ANK3: variants seen among roughly 807,000 people sequenced by gnomAD.
The protein encoded by ANK3 is ankyrin 3.
Under a neutral mutation model 370.9 loss-of-function variants are expected in ANK3, and 57 were observed. The observed-to-expected ratio is 0.15, with a 90% confidence interval of 0.12 to 0.19. ANK3 has a LOEUF of 0.19. Among genes scored for constraint, ANK3 ranks in the 10% least tolerant of loss-of-function variants. The pLI is 1.00. For missense variants in ANK3, 4,439 were observed against 5,302.1 expected, an observed-to-expected ratio of 0.84 and a Z score of 5.06; for synonymous variants, 1,929 against 1,946.3, an observed-to-expected ratio of 0.99 and a Z score of 0.23.
At chr10:60,319,922 G>C (rs564902132) in intron 1 of ANK3, among the ~76,000 whole-genome samples, 1 of 152,286 alleles carries the variant, frequency 6.6e-6, no homozygotes, top group Admixed American at 6.5e-5. Context: ...CCAGACAAGA[G>C]TTTCTCAAAC....
chr10:60,231,237 A>T (rs1489810954), intron 8 of ANK3, among the ~76,000 whole-genome samples: 1 of 152,196 alleles, frequency 6.6e-6, no homozygotes, highest in African/African-American at 2.4e-5. Context: ...TACCTAAATT[A>T]CACTGAACAC....
intron 2 of ANK3, among the ~76,000 whole-genome samples, chr10:60,483,155 T>C (rs370023507): frequency 2.6e-3 from 389 of 152,270 alleles, no homozygotes; most frequent in Non-Finnish European, 4.7e-3. Flanking sequence ...GTCCCAAGAA[T>C]TGGTTATTAA....
chr10:60,663,436 C>T (rs2133374308), intron 1 of ANK3, among the ~76,000 whole-genome samples: 1 of 152,298 alleles, frequency 6.6e-6, no homozygotes, highest in East Asian at 1.9e-4. Flanking sequence ...TAACATTAAA[C>T]CACAGTGAGT....
intron 2 of ANK3, among the ~76,000 whole-genome samples, chr10:60,522,769 T>A (rs1265057536): frequency 6.6e-6 from 1 of 152,138 alleles, no homozygotes; most frequent in Non-Finnish European, 1.5e-5. Flanking sequence ...ACTAAAATGA[T>A]GATTCTTCTA....
At chr10:60,626,866 T>C (rs2078418288) in intron 1 of ANK3, among the ~76,000 whole-genome samples, 1 of 152,124 alleles carries the variant, frequency 6.6e-6, no homozygotes, top group African/African-American at 2.4e-5. Context: ...AATACTAGCA[T>C]GTAGTCAGAC....
chr10:60,323,984 T>C (rs2049234102), intron 1 of ANK3, among the ~76,000 whole-genome samples: 2 of 152,010 alleles, frequency 1.3e-5, no homozygotes, highest in Non-Finnish European at 2.9e-5. Context: ...TTAGAGAGGG[T>C]TCGTGAGGGA....
chr10:60,116,676 T>A (rs1438073280), intron 25 of ANK3, among the ~76,000 whole-genome samples: 3 of 150,458 alleles, frequency 2.0e-5, no homozygotes, highest in Non-Finnish European at 3.0e-5. Context: ...TATAGAGAAA[T>A]TTTTAACTCT....
chr10:60,334,668 T>C (rs1278531441), intron 1 of ANK3, among the ~76,000 whole-genome samples: 1 of 152,206 alleles, frequency 6.6e-6, no homozygotes, highest in Non-Finnish European at 1.5e-5. Context: ...TGAAGTCTTT[T>C]ATGATGCAGT....
intron 1 of ANK3, among the ~76,000 whole-genome samples, chr10:60,325,316 A>G (rs1301026278): frequency 6.6e-6 from 1 of 152,160 alleles, no homozygotes; most frequent in Non-Finnish European, 1.5e-5. Flanking sequence ...GCCTGTGAGA[A>G]GATTACATCT....
intron 2 of ANK3, among the ~76,000 whole-genome samples, chr10:60,602,444 C>T (rs771793231): frequency 2.1e-4 from 32 of 152,238 alleles, no homozygotes; most frequent in Non-Finnish European, 3.4e-4. Context: ...CTAATATGCA[C>T]GCTTAATACA....
At chr10:60,130,411 G>A (rs560236484) in intron 25 of ANK3, among the ~76,000 whole-genome samples, 45 of 152,288 alleles carry the variant, frequency 3.0e-4, no homozygotes, top group African/African-American at 1.1e-3. Flanking sequence ...AAAAAGAGAA[G>A]TGTATGAGAG....
At chr10:60,054,256 T>A (rs527738008) in intron 42 of ANK3, among the ~76,000 whole-genome samples, 6 of 152,316 alleles carry the variant, frequency 3.9e-5, no homozygotes, top group African/African-American at 9.6e-5. Flanking sequence ...GGGATCATTT[T>A]AAAAGGAAAC....
chr10:60,099,050 T>A (rs2090691299), intron 28 of ANK3, among the ~76,000 whole-genome samples: 1 of 152,194 alleles, frequency 6.6e-6, no homozygotes, highest in Non-Finnish European at 1.5e-5. Flanking sequence ...CAGGGACAAA[T>A]GTGACCATTT....
intron 7 of ANK3, among the ~76,000 whole-genome samples, chr10:60,241,949 A>G (rs941624485): frequency 6.6e-6 from 1 of 152,212 alleles, no homozygotes; most frequent in Admixed American, 6.5e-5. Flanking sequence ...AGCAAGTTTA[A>G]TTCTCTCAAA....
chr10:60,494,812 CAT>C (rs1432755451), intron 2 of ANK3, among the ~76,000 whole-genome samples: 2 of 152,108 alleles, frequency 1.3e-5, no homozygotes, highest in Non-Finnish European at 2.9e-5. Context: ...TTATGAATGA[CAT>C]AGCACAGATT....
In ANK3 at chr10:60,108,921, G is replaced by T. The variant is rs1431092037; in HGVS notation, c.3082C>A (p.His1028Asn). 6.2e-7 allele frequency: 1 copy of T among 1,613,926 alleles called. No homozygotes were observed. The highest frequency in any genetic ancestry group is 1.1e-5 in the South Asian group (1 of 91,080). ...ATGGGGGGTGGGTTGGCCAGTTTAT[G>T]TCTCTTTACCAAACGGCAGGTGATT... ...TRITCRLVKR[H>N]KLANPPPMVE... Residue 1028 changes from histidine (H) to asparagine (N), a missense_variant, in exon 27 of 44, where the codon CAT (histidine) becomes AAT (asparagine). His to Asn is a moderately conservative substitution (Grantham distance 68). Around this residue, in one of 13 missense-constraint regions of ANK3, gnomAD observed 702 missense variants for 941.5 expected, o/e 0.75. Coordinates refer to ENST00000280772, the MANE Select transcript of ANK3 (RefSeq NM_020987.5).
intron 2 of ANK3, among the ~76,000 whole-genome samples, chr10:60,411,167 T>C (rs2063552682): frequency 6.6e-6 from 1 of 152,118 alleles, no homozygotes; most frequent in African/African-American, 2.4e-5. Context: ...AGAAACAAAC[T>C]TTTATTATGT....
chr10:60,172,107 A>T (rs1333154205), intron 21 of ANK3, among the ~76,000 whole-genome samples: 1 of 152,228 alleles, frequency 6.6e-6, no homozygotes, highest in Non-Finnish European at 1.5e-5. Context: ...CATCTTTTAA[A>T]TAGGTATTCT....
chr10:60,522,346 C>CA (rs2076366816), intron 2 of ANK3, among the ~76,000 whole-genome samples: 1 of 144,686 alleles, frequency 6.9e-6, no homozygotes, highest in African/African-American at 2.5e-5. Context: ...CATATTGAGA[C>CA]TTTTTTTTTT....
Sources: allele counts gnomAD v4.1 joint callset (sites outside exome capture counted in the v4.1 genomes callset), GRCh38; gene constraint gnomAD v4.1.1; regional missense constraint gnomAD v4.1.1; transcripts MANE v1.5; gene names NCBI Gene and HGNC (gene_info 2026-07-23, HGNC 2026-07-21).